The following DHX8 variants were observed in gnomAD, a reference collection of about 807,000 sequenced individuals.
DHX8 encodes the protein ATP-dependent RNA helicase DHX8.
DHX8 carries 67 observed loss-of-function variants against 140.7 expected under a neutral mutation model. The ratio of observed to expected loss-of-function variants is 0.48; its 90% CI spans 0.39 to 0.58. The LOEUF is 0.58. DHX8 is among the 20% of genes least tolerant of loss of function. DHX8 has a pLI of 0.00. For missense variants in DHX8, 887 were observed against 1,550.7 expected, an observed-to-expected ratio of 0.57 and a Z score of 7.19; for synonymous variants, 533 against 553.2, an observed-to-expected ratio of 0.96 and a Z score of 0.51.
chr17:43,499,019 T>C (rs1008646449), intron 10 of DHX8, 60 bp downstream of exon 10: 3 of 1,302,372 alleles, frequency 2.3e-6, no homozygotes, highest in Non-Finnish European at 3.2e-6. Flanking sequence ...TCTAAAGTAA[T>C]GGGTCAGGTT....
intron 11 of DHX8, among the ~76,000 whole-genome samples, chr17:43,502,923 A>G (rs895874041): frequency 2.0e-5 from 3 of 152,048 alleles, no homozygotes; most frequent in African/African-American, 4.8e-5. Flanking sequence ...GCCTAAGCTC[A>G]CTTATTTGGT....
At position 43,509,109 on chromosome 17, in the gene DHX8, A is replaced by G. The variant is rs929473903; in HGVS notation, c.2502+589A>G. On this transcript the variant is annotated intron_variant, in intron 16 of 22. Transcript: ENST00000262415. ...AGCTGCATTGTGAGAACAAGCCTCT[A>G]TCTGCTGTGGGGCATCCCCCAGTCA... is the stretch of plus-strand genomic sequence containing the variant. 7.2e-4 allele frequency among the ~76,000 whole-genome samples: 109 copies of G among 152,324 alleles called. 1 individual carries two copies. Among genetic ancestry groups the G allele is most frequent in the African/African-American group, 2.5e-3 (102 of 41,566 alleles).
chr17:43,494,187 C>T (rs1968706698), intron 8 of DHX8, among the ~76,000 whole-genome samples: 1 of 152,156 alleles, frequency 6.6e-6, no homozygotes, highest in Non-Finnish European at 1.5e-5. Flanking sequence ...ACCATCAGAT[C>T]TCATGAGACT....
downstream of DHX8, chr17:43,526,614 G>C: frequency 6.5e-7 from 1 of 1,535,136 alleles, no homozygotes; most frequent in Non-Finnish European, 8.7e-7. Flanking sequence ...AGTTCAGAGG[G>C]CAGAGGGCCA....
At chr17:43,489,275 G>T (rs1177344823) in intron 1 of DHX8, among the ~76,000 whole-genome samples, 174 bp from the exon 2 acceptor site, 1 of 152,168 alleles carries the variant, frequency 6.6e-6, no homozygotes, top group African/African-American at 2.4e-5. Flanking sequence ...AGAGTGTTGG[G>T]ATTACAGGCA....
chr17:43,539,166 C>T (rs541515293), intron 3 of DHX8, among the ~76,000 whole-genome samples: 9 of 152,330 alleles, frequency 5.9e-5, no homozygotes, highest in African/African-American at 2.2e-4. Flanking sequence ...AACGCTTGCC[C>T]TTGGCCTCCA....
chr17:43,488,618 A>AAG (rs1416654428), intron 1 of DHX8, among the ~76,000 whole-genome samples: 1 of 152,064 alleles, frequency 6.6e-6, no homozygotes, highest in African/African-American at 2.4e-5. Context: ...CTTAAAAAAA[A>AAG]AAAAAAGAAG....
chr17:43,507,271 T>C, intron 13 of DHX8, 74 bp downstream of exon 13: 1 of 1,465,024 alleles, frequency 6.8e-7, no homozygotes, highest in Non-Finnish European at 9.2e-7. Flanking sequence ...CAAATGGAAA[T>C]ATTAATAATA....
In DHX8 at chr17:43,524,702, G is replaced by A; in HGVS notation, c.*855G>A. 11 of 985,398 alleles carry A rather than the reference G, an allele frequency of 1.1e-5. No individual in the cohort carries two copies. Among genetic ancestry groups the A allele is most frequent in the Non-Finnish European group, 1.3e-5 (11 of 829,944 alleles). 61.0% of individuals were successfully genotyped at this position (985,398 alleles called of 1,614,324 possible). Reference sequence around the variant, plus strand: ...CCCATTTCCTTTTGAAACATACTAAGTAACAACACAGCTTTTATTTTATTT... The same window carrying A: ...CCCATTTCCTTTTGAAACATACTAAATAACAACACAGCTTTTATTTTATTT... On this transcript the variant is annotated 3_prime_UTR_variant, in exon 23 of 23. Transcript: ENST00000262415.
chr17:43,522,313 C>G lies in DHX8; in HGVS notation c.3443+87C>G, dbSNP rs1970414860. ...CTGGTATTTTGTGATTGTGTCTTCA[C>G]TACTCCCAGTATGTCCTAGTATAAC... On this transcript the variant is annotated intron_variant, in intron 22 of 22. Coordinates refer to ENST00000262415, the MANE Select transcript of DHX8 (RefSeq NM_004941.3). 4.4e-6 allele frequency: 6 copies of G among 1,352,946 alleles called. No individual in the cohort carries two copies. In the Admixed American group the frequency reaches 9.0e-5, roughly 20 times the overall value. 83.8% of individuals were successfully genotyped at this position (1,352,946 alleles called of 1,614,324 possible). A position where few individuals can be genotyped will look rare whatever the true frequency, so the allele number is the denominator to read the frequency against.
rs1186731325 is a variant in DHX8, at chr17:43,520,801, T to C, written c.2988T>C (p.Ser996=). The C allele has an allele frequency of 2.5e-6, 4 of 1,614,028 alleles. No homozygotes were observed. The highest frequency in any genetic ancestry group is 3.4e-6 in the Non-Finnish European group (4 of 1,180,016). Reference sequence around the variant, plus strand: ...TGCTATGCAAAATGCTCATCATGTCTGTGCATCTGGGCTGCAGTGAGGAAA... The same window carrying C: ...TGCTATGCAAAATGCTCATCATGTCCGTGCATCTGGGCTGCAGTGAGGAAA... ...EPMLCKMLIM[S]VHLGCSEEML... The change falls in exon 20 of 23, where the codon TCT becomes TCC. Residue 996 remains serine, a synonymous_variant. Transcript: ENST00000262415.
At chr17:43,540,041 G>A (rs1029854496) in intron 3 of DHX8, among the ~76,000 whole-genome samples, 1 of 152,142 alleles carries the variant, frequency 6.6e-6, no homozygotes, top group African/African-American at 2.4e-5. Context: ...CATGAAATCC[G>A]CTGGCAAGAA....
At chr17:43,520,941 G>T in intron 20 of DHX8, 62 bp downstream of exon 20, 1 of 1,322,314 alleles carries the variant, frequency 7.6e-7, no homozygotes, top group East Asian at 2.6e-5. Context: ...TTGGCCTGTT[G>T]CCATTCCAAT....
rs1187585985 is a variant in DHX8 at position 43,507,880 on chromosome 17, A to G, written c.2181A>G (p.Gln727=). Reference sequence around the variant, plus strand: ...CCTTGGATGCAGTGAAGTTTTCTCAATACTTCTATGAAGCTCCCATTTTCA... The same window carrying G: ...CCTTGGATGCAGTGAAGTTTTCTCAGTACTTCTATGAAGCTCCCATTTTCA... ...SATLDAVKFS[Q]YFYEAPIFTI... Residue 727 remains glutamine (Q), a synonymous_variant, in exon 15 of 23, where the codon CAA becomes CAG. Transcript: ENST00000262415. The G allele has an allele frequency of 7.4e-6, 12 of 1,614,080 alleles. No individual in the cohort carries two copies. Among genetic ancestry groups the G allele is most frequent in the African/African-American group, 6.7e-5 (5 of 74,944 alleles).
intron 2 of DHX8, among the ~76,000 whole-genome samples, chr17:43,535,653 G>A (rs917174821): frequency 7.9e-5 from 12 of 152,124 alleles, no homozygotes; most frequent in African/African-American, 1.2e-4. Context: ...TGTAAGGAGC[G>A]GTCCTGAGCA....
At chr17:43,511,330 AG>A (rs1337437759) in intron 16 of DHX8, among the ~76,000 whole-genome samples, 1 of 152,150 alleles carries the variant, frequency 6.6e-6, no homozygotes. Context: ...CTATCTCAAA[AG>A]GAAGATAAAG....
intron 17 of DHX8, among the ~76,000 whole-genome samples, chr17:43,513,709 CTTTTTTTTT>C (rs34829204): frequency 9.4e-6 from 1 of 105,966 alleles, no homozygotes; most frequent in Non-Finnish European, 1.9e-5. Context: ...AGTTTTTAAT[CTTTTTTTTT>C]TTTTTTTTTT....
intron 12 of DHX8, 53 bp from the exon 13 acceptor site, chr17:43,506,950 T>C (rs1284510977): frequency 7.3e-7 from 1 of 1,373,280 alleles, no homozygotes; most frequent in African/African-American, 1.4e-5. Context: ...TTAATGACCA[T>C]ATTTATATTC....
At chr17:43,536,552 C>T in intron 3 of DHX8, 1 of 1,356,746 alleles carries the variant, frequency 7.4e-7, no homozygotes, top group South Asian at 1.2e-5. Flanking sequence ...TTATTACAGC[C>T]CTGCAGATTA....
Sources: gnomAD v4.1 joint callset for allele counts (sites outside exome capture counted in the v4.1 genomes callset) on GRCh38, gnomAD v4.1.1 for gene constraint, MANE v1.5 for transcripts, NCBI Gene and HGNC (gene_info 2026-07-23, HGNC 2026-07-21) for gene names.